TRIM37: variants seen among roughly 807,000 people sequenced by gnomAD.
TRIM37 encodes the protein E3 ubiquitin-protein ligase TRIM37.
TRIM37 carries 80 observed loss-of-function variants against 129.8 expected under a neutral mutation model. The observed-to-expected ratio is 0.62, with a 90% confidence interval of 0.51 to 0.74. TRIM37 has a LOEUF of 0.74. Ranked by LOEUF, TRIM37 falls within the 30% of genes least tolerant of loss-of-function variation. The pLI, the probability that TRIM37 is intolerant of heterozygous loss-of-function variation, is 0.00. For missense variants in TRIM37, 1,054 were observed against 1,176.5 expected (o/e 0.90, Z 1.52); for synonymous variants, 389 against 387.1 (o/e 1.00, Z -0.06).
At chr17:59,018,301 G>C (rs769661740) in intron 19 of TRIM37, among the ~76,000 whole-genome samples, 2 of 151,852 alleles carry the variant, frequency 1.3e-5, no homozygotes, top group Non-Finnish European at 2.9e-5. Context: ...GCAGAACTGT[G>C]AGTTAAATAA....
At position 59,017,211 on chromosome 17, in the gene TRIM37, A is replaced by G. The variant is rs1598914559; in HGVS notation, c.2386+85T>C. The G allele has an allele frequency of 3.9e-6, 6 of 1,541,934 alleles. No homozygotes were observed. The East Asian group carries it at 1.4e-4, about 35-fold the overall frequency. ...AACTTTAGCATTTTTGGTGCCCTTC[A>G]AGATCTAAAGCTCCACGATAACATC... On this transcript the variant is annotated intron_variant, in intron 20 of 23. Coordinates refer to ENST00000262294, the MANE Select transcript of TRIM37 (RefSeq NM_015294.6).
Position 59,012,337 on chromosome 17 carries a change from G to C in TRIM37, c.2686C>G (p.Pro896Ala). ...PVLPEGASAA[P>A]EEGMSSDSDI... Reference sequence around the variant, plus strand: ...GTTTATCATTCCTTACCTTCTTCAGGGGCAGCTGAAGCTCCTTCAGGTAGT... The same window carrying C: ...GTTTATCATTCCTTACCTTCTTCAGCGGCAGCTGAAGCTCCTTCAGGTAGT... The change falls in exon 22 of 24, where the codon CCT becomes GCT. Residue 896 changes from proline (P) to alanine (A), a missense_variant. Physicochemically the swap from Pro to Ala is conservative, Grantham distance 27. Around this residue, in one of 3 missense-constraint regions of TRIM37, gnomAD observed 287 missense variants for 274.3 expected, o/e 1.05. Coordinates refer to ENST00000262294, the MANE Select transcript of TRIM37 (RefSeq NM_015294.6). 6.2e-7 allele frequency: 1 copy of C among 1,606,456 alleles called. No homozygotes were observed. The highest frequency in any genetic ancestry group is 8.5e-7 in the Non-Finnish European group (1 of 1,174,512).
At chr17:58,984,504 A>T (rs552214378) in intron 24 of TRIM37, 1 of 152,626 alleles carries the variant, frequency 6.6e-6, no homozygotes, top group Non-Finnish European at 1.5e-5. Flanking sequence ...TACCTAAGCA[A>T]GGCTATAAAA....
the TRIM37 span, chr17:58,972,094 C>G: frequency 2.5e-6 from 4 of 1,582,568 alleles, no homozygotes; most frequent in South Asian, 1.1e-5. Context: ...GTATCTATTT[C>G]TTTTCACTGA....
chr17:59,047,648 T>G (rs984820787), intron 16 of TRIM37, 35 bp downstream of exon 16: 3 of 1,600,704 alleles, frequency 1.9e-6, no homozygotes, highest in Non-Finnish European at 2.6e-6. Flanking sequence ...TAATTACCAC[T>G]TAAATGCTTT....
chr17:59,072,331 C>G (rs2146812313), intron 8 of TRIM37, among the ~76,000 whole-genome samples: 1 of 152,262 alleles, frequency 6.6e-6, no homozygotes, highest in African/African-American at 2.4e-5. Context: ...ACAGGCCTAG[C>G]AAGCTAATAT....
Position 59,064,229 on chromosome 17 carries a change from C to A in TRIM37, c.860+126G>T, listed in dbSNP as rs963033259. ...TTATCTCTACATTTCTAATAGGAAA[C>A]TTATTCTTCTAAGACTTCTAAAGTG... On this transcript the variant is annotated intron_variant, in intron 10 of 23. Transcript: ENST00000262294. 1.1e-5 allele frequency: 8 copies of A among 742,754 alleles called. No individual in the cohort carries two copies. In the African/African-American group the frequency reaches 1.4e-4, roughly 13 times the overall value. 46.0% of individuals were successfully genotyped at this position (742,754 alleles called of 1,614,324 possible). A position where few individuals can be genotyped will look rare whatever the true frequency, so the allele number is the denominator to read the frequency against.
At chr17:59,037,533 G>A (rs1341593048) in intron 17 of TRIM37, among the ~76,000 whole-genome samples, 16 of 122,410 alleles carry the variant, frequency 1.3e-4, no homozygotes, top group Middle Eastern at 7.2e-3. Flanking sequence ...ACTCCAGCCC[G>A]GGCAACAGAG....
In TRIM37 at chr17:59,049,460, G is replaced by GA. The variant is rs200407816; in HGVS notation, c.1315-68dup. The GA allele has an allele frequency of 1.5e-3, 1,951 of 1,323,412 alleles. 5 individuals carry two copies. The highest frequency in any genetic ancestry group is 5.3e-3 in the South Asian group (429 of 81,080). 82.0% of individuals were successfully genotyped at this position (1,323,412 alleles called of 1,614,324 possible). ...TGGCACAGTAAAAGATGTCTCAAGTGAAAAAAAAATGCATCCAGATGTTTC... is the reference window on the plus strand; with the variant it reads ...TGGCACAGTAAAAGATGTCTCAAGTGAAAAAAAAAATGCATCCAGATGTTTC... On this transcript the variant is annotated intron_variant, in intron 14 of 23. Coordinates refer to ENST00000262294, the MANE Select transcript of TRIM37 (RefSeq NM_015294.6).
chr17:58,979,019 A>G (rs1263132336), downstream of TRIM37, among the ~76,000 whole-genome samples: 1 of 152,074 alleles, frequency 6.6e-6, no homozygotes, highest in Non-Finnish European at 1.5e-5. Flanking sequence ...CTGTTCCCTC[A>G]ATTGAGGCAA....
chr17:58,998,383 CTT>C lies in TRIM37; in HGVS notation c.*992_*993del, dbSNP rs2033225412. ...ATTATTCATGCTTTTTCAATAGTCT[CTT>C]AGTCAACTTTCAGTGTAATTTCCAC... On this transcript the variant is annotated 3_prime_UTR_variant, in exon 24 of 24. Coordinates refer to ENST00000262294, the MANE Select transcript of TRIM37 (RefSeq NM_015294.6). The C allele has an allele frequency of 2.7e-5, 27 of 985,224 alleles. No individual in the cohort carries two copies. Among genetic ancestry groups the C allele is most frequent in the Non-Finnish European group, 3.3e-5 (27 of 829,920 alleles). 61.0% of individuals were successfully genotyped at this position (985,224 alleles called of 1,614,324 possible).
At chr17:59,023,335 C>T (rs550431766) in intron 19 of TRIM37, among the ~76,000 whole-genome samples, 2 of 152,290 alleles carry the variant, frequency 1.3e-5, no homozygotes, top group Non-Finnish European at 2.9e-5. Flanking sequence ...GACTTGGCCT[C>T]CCAAAGTGCT....
In TRIM37 at chr17:59,045,687, T is replaced by A. The variant is rs143790401; in HGVS notation, c.1667+1996A>T. On this transcript the variant is annotated intron_variant, in intron 16 of 23. Coordinates refer to ENST00000262294, the MANE Select transcript of TRIM37 (RefSeq NM_015294.6). ...AAAAAAATTACACACTATGACCAAG[T>A]GGGATGTGTCCCAGGAATGCAAGCT... is the stretch of plus-strand genomic sequence containing the variant. Among the ~76,000 whole-genome samples, 6 of 150,220 alleles carry A rather than the reference T, an allele frequency of 4.0e-5. No individual in the cohort carries two copies. In the East Asian group the frequency reaches 9.8e-4, roughly 25 times the overall value.
intron 16 of TRIM37, among the ~76,000 whole-genome samples, chr17:59,042,655 C>T (rs528421108): frequency 1.1e-4 from 16 of 150,244 alleles, no homozygotes; most frequent in Admixed American, 2.7e-4. Flanking sequence ...CCCAGCTCCT[C>T]GGGAGGCTGA....
At chr17:58,981,081 A>G (rs759880058), downstream of TRIM37, 12 of 1,285,826 alleles carry the variant, frequency 9.3e-6, no homozygotes, top group Admixed American at 2.2e-5. Flanking sequence ...AAATACCACT[A>G]TCAGAGTAGA....
At chr17:59,102,720 A>C (rs1489919234) in intron 2 of TRIM37, among the ~76,000 whole-genome samples, 1 of 152,230 alleles carries the variant, frequency 6.6e-6, no homozygotes, top group East Asian at 1.9e-4. Context: ...TGGTACAGTG[A>C]CAAAGAACAG....
chr17:58,999,487 T>C (rs750890353), intron 23 of TRIM37, 28 bp from the exon 24 acceptor site: 11 of 1,562,186 alleles, frequency 7.0e-6, no homozygotes, highest in Non-Finnish European at 9.6e-6. Flanking sequence ...ATAAAAAATT[T>C]AAAATTTAAA....
At chr17:59,065,699 A>G (rs1390411965) in intron 9 of TRIM37, among the ~76,000 whole-genome samples, 1 of 152,228 alleles carries the variant, frequency 6.6e-6, no homozygotes, top group Non-Finnish European at 1.5e-5. Context: ...ACTGCAAACC[A>G]TTTCACCACA....
At chr17:59,058,817 T>C (rs759226769) in intron 12 of TRIM37, among the ~76,000 whole-genome samples, 47 of 152,082 alleles carry the variant, frequency 3.1e-4, no homozygotes, top group Admixed American at 1.4e-3. Flanking sequence ...TGAGCCATAA[T>C]TGTGCCACTG....
Sources: gnomAD v4.1 joint callset for allele counts (sites outside exome capture counted in the v4.1 genomes callset) on GRCh38, gnomAD v4.1.1 for gene constraint, gnomAD v4.1.1 regional missense constraint, MANE v1.5 for transcripts, NCBI Gene and HGNC (gene_info 2026-07-23, HGNC 2026-07-21) for gene names.